Variants in ALDH1L2 observed in about 807,000 individuals in gnomAD.
ALDH1L2 encodes the protein aldehyde dehydrogenase 1 family member L2.
In ALDH1L2, 91 loss-of-function variants were observed where a neutral mutation model predicts 111.0. The ratio of observed to expected loss-of-function variants is 0.82; its 90% CI spans 0.69 to 0.98. The LOEUF is 0.98. Ranked by LOEUF, ALDH1L2 falls within the 50% of genes least tolerant of loss-of-function variation. ALDH1L2 has a pLI of 0.00. For missense variants in ALDH1L2, 995 were observed against 1,126.8 expected, an observed-to-expected ratio of 0.88 and a Z score of 1.67; for synonymous variants, 374 against 392.6, an observed-to-expected ratio of 0.95 and a Z score of 0.56.
intron 1 of ALDH1L2, 108 bp from the exon 2 acceptor site, chr12:105,074,113 C>A (rs1877892252): frequency 7.1e-7 from 1 of 1,400,712 alleles, no homozygotes; most frequent in Middle Eastern, 1.8e-4. Flanking sequence ...CTTTGGGTAT[C>A]AGGTACACCA....
chr12:105,074,055 G>T (rs2136110006), intron 1 of ALDH1L2, 50 bp from the exon 2 acceptor site: 1 of 1,608,254 alleles, frequency 6.2e-7, no homozygotes, highest in Non-Finnish European at 8.5e-7. Context: ...GAAGACACTG[G>T]ATGAGGGTGA....
At chr12:105,045,232 C>T (rs1162055240) in intron 15 of ALDH1L2, among the ~76,000 whole-genome samples, 5 of 151,996 alleles carry the variant, frequency 3.3e-5, no homozygotes, top group African/African-American at 9.7e-5. Flanking sequence ...TACAGGCATC[C>T]GCCACCATGC....
intron 17 of ALDH1L2, 27 bp from the exon 18 acceptor site, chr12:105,038,229 C>T (rs372473512): frequency 7.3e-7 from 1 of 1,374,244 alleles, no homozygotes; most frequent in Non-Finnish European, 1.0e-6. Context: ...GAGAAATGAG[C>T]ATTTAGTTAA....
intron 22 of ALDH1L2, among the ~76,000 whole-genome samples, chr12:105,025,192 C>T (rs2136042668): frequency 6.6e-6 from 1 of 152,264 alleles, no homozygotes; most frequent in Middle Eastern, 3.4e-3. Flanking sequence ...CAAGGGCTGT[C>T]AACTTTGTCC....
At position 105,049,937 on chromosome 12, in the gene ALDH1L2, A is replaced by G. The variant is rs377632208; in HGVS notation, c.1657T>C (p.Tyr553His). Residue 553 changes from tyrosine to histidine, a missense_variant, in exon 13 of 23, where the codon TAT (tyrosine) becomes CAT (histidine). Tyr to His is a moderately conservative substitution (Grantham distance 83). Coordinates refer to ENST00000258494, the MANE Select transcript of ALDH1L2 (RefSeq NM_001034173.4). ...HIGMSVQTFR[Y>H]FAGWCDKIQG... ...ATTTTGTCGCACCAGCCAGCAAAATATCTGAATGTTTGCACAGACATTCCA... is the reference window on the plus strand; with the variant it reads ...ATTTTGTCGCACCAGCCAGCAAAATGTCTGAATGTTTGCACAGACATTCCA... 6.2e-7 allele frequency: 1 copy of G among 1,611,882 alleles called. No homozygotes were observed. Among genetic ancestry groups the G allele is most frequent in the African/African-American group, 1.3e-5 (1 of 74,992 alleles).
chr12:105,036,514 TTA>T (rs1182802302), intron 18 of ALDH1L2, among the ~76,000 whole-genome samples: 355 of 23,560 alleles, frequency 0.015, 5 homozygotes, highest in Middle Eastern at 0.025. Context: ...TATATATATT[TTA>T]TATATATATA....
At chr12:105,072,282 T>C (rs1877784494) in intron 2 of ALDH1L2, 1 of 149,780 alleles carries the variant, frequency 6.7e-6, no homozygotes. Flanking sequence ...ATATGTTAAT[T>C]TTAGGCAATT....
At position 105,049,962 on chromosome 12, in the gene ALDH1L2, A is replaced by C. The variant is rs919336212; in HGVS notation, c.1632T>G (p.Ile544Met). Reference sequence around the variant, plus strand: ...ATCTGAATGTTTGCACAGACATTCCAATGTGTGTCTTCAGGGCCAAGGTAT... The same window carrying C: ...ATCTGAATGTTTGCACAGACATTCCCATGTGTGTCTTCAGGGCCAAGGTAT... ...AVYTLALKTH[I>M]GMSVQTFRYF... is the part of the protein sequence containing the mutation. The change falls in exon 13 of 23, where the codon ATT becomes ATG. Residue 544 changes from isoleucine to methionine, a missense_variant. Transcript: ENST00000258494. The C allele has an allele frequency of 6.2e-7, 1 of 1,613,052 alleles. No individual in the cohort carries two copies. Among genetic ancestry groups the C allele is most frequent in the Non-Finnish European group, 8.5e-7 (1 of 1,179,468 alleles).
In ALDH1L2 at chr12:105,046,979, G is replaced by A. The variant is rs182759036; in HGVS notation, c.1687-10C>T. On this transcript the variant is annotated splice_polypyrimidine_tract_variant and intron_variant, in intron 13 of 22. Coordinates refer to ENST00000258494, the MANE Select transcript of ALDH1L2 (RefSeq NM_001034173.4). ...TTGGAATAGTAGAACCCTAAAGAAT[G>A]AGAAAAGTTGATACTTATTTTACTA... 159 of 1,612,288 alleles carry A rather than the reference G, an allele frequency of 9.9e-5. No homozygotes were observed. In the African/African-American group the frequency reaches 1.6e-3, roughly 16 times the overall value.
rs189737670 is a variant in ALDH1L2, at chr12:105,079,285, C to T, written c.48+5104G>A. The stretch of plus-strand genomic sequence containing the variant: ...TAACAGAAGCAACAAGTACACTTTA[C>T]ATAGAGGTAGATCTGCAAGATTCAG... On this transcript the variant is annotated intron_variant, in intron 1 of 22. Coordinates refer to ENST00000258494, the MANE Select transcript of ALDH1L2 (RefSeq NM_001034173.4). 4.3e-4 allele frequency among the ~76,000 whole-genome samples: 65 copies of T among 152,314 alleles called. 1 individual carries two copies. Among genetic ancestry groups the T allele is most frequent in the African/African-American group, 1.6e-3 (65 of 41,568 alleles).
At chr12:105,038,320 A>G in intron 17 of ALDH1L2, 118 bp from the exon 18 acceptor site, 2 of 532,818 alleles carry the variant, frequency 3.8e-6, no homozygotes, top group Non-Finnish European at 6.4e-6. Flanking sequence ...ACACACACAC[A>G]CACTTTTTAA....
At chr12:105,072,504 A>G (rs958643616) in intron 2 of ALDH1L2, 2 of 152,142 alleles carry the variant, frequency 1.3e-5, no homozygotes, top group Non-Finnish European at 2.9e-5. Flanking sequence ...CCAGCACAAT[A>G]GTGTTCACAA....
chr12:105,062,900 G>T lies in ALDH1L2; in HGVS notation c.909C>A (p.Asn303Lys). Residue 303 changes from asparagine to lysine, a missense_variant, in exon 7 of 23, where the codon AAC becomes AAA. By Grantham distance (94) the Asn-to-Lys change is moderately conservative. Transcript: ENST00000258494. ...VTKNGLVLFG[N>K]DGKALTVRNL... ...ATTTAACACTCACTGCTTTTCCATC[G>T]TTACCAAAAAGAACAAGTCCATTTT... 1 of 1,610,082 alleles carries T rather than the reference G, an allele frequency of 6.2e-7. No individual in the cohort carries two copies. The highest frequency in any genetic ancestry group is 8.5e-7 in the Non-Finnish European group (1 of 1,178,948).
At chr12:105,050,904 G>A (rs1372430877) in intron 12 of ALDH1L2, among the ~76,000 whole-genome samples, 1 of 152,058 alleles carries the variant, frequency 6.6e-6, no homozygotes, top group South Asian at 2.1e-4. Flanking sequence ...GGGAATTATG[G>A]GAGCTACAAT....
intron 1 of ALDH1L2, among the ~76,000 whole-genome samples, chr12:105,074,564 C>A (rs987355086): frequency 4.0e-5 from 6 of 151,840 alleles, no homozygotes; most frequent in African/African-American, 1.5e-4. Flanking sequence ...AGTGCCTCCG[C>A]AGAACTCTCT....
intron 5 of ALDH1L2, 95 bp downstream of exon 5, chr12:105,066,473 G>T: frequency 8.4e-7 from 1 of 1,184,692 alleles, no homozygotes. Context: ...GGGCAAGCTG[G>T]CTTACCTTTT....
Position 105,079,712 on chromosome 12 carries a change from C to G in ALDH1L2, c.48+4677G>C, listed in dbSNP as rs1219661572. The stretch of plus-strand genomic sequence containing the variant: ...AATTAATTTTTAATTATACATATTA[C>G]ATATACACACAAGCTCCTTACGAAA... On this transcript the variant is annotated intron_variant, in intron 1 of 22. Transcript: ENST00000258494. Among the ~76,000 whole-genome samples, 3 of 142,900 alleles carry G rather than the reference C, an allele frequency of 2.1e-5. No individual in the cohort carries two copies. The East Asian group carries it at 6.4e-4, about 30-fold the overall frequency. 93.7% of individuals were successfully genotyped at this position (142,900 alleles called of 152,430 possible). A position where few individuals can be genotyped will look rare whatever the true frequency, so the allele number is the denominator to read the frequency against.
At chr12:105,075,312 C>T (rs1312739776) in intron 1 of ALDH1L2, among the ~76,000 whole-genome samples, 4 of 152,176 alleles carry the variant, frequency 2.6e-5, no homozygotes, top group Admixed American at 1.3e-4. Context: ...TGGCCGGGCG[C>T]GGTGGCTCAC....
intron 2 of ALDH1L2, among the ~76,000 whole-genome samples, chr12:105,072,722 C>T (rs768306066): frequency 6.6e-6 from 1 of 152,168 alleles, no homozygotes; most frequent in Non-Finnish European, 1.5e-5. Flanking sequence ...GCCTGTAATC[C>T]CAGCACTTTG....
Sources: allele counts gnomAD v4.1 joint callset (sites outside exome capture counted in the v4.1 genomes callset), GRCh38; gene constraint gnomAD v4.1.1; transcripts MANE v1.5; gene names NCBI Gene and HGNC (gene_info 2026-07-23, HGNC 2026-07-21).